ITGA9: variants seen among roughly 807,000 people sequenced by gnomAD.
ITGA9 encodes integrin alpha-9.
Under a neutral mutation model 127.8 loss-of-function variants are expected in ITGA9, and 56 were observed. That is an observed-to-expected ratio of 0.44 (90% CI 0.35 to 0.55). The LOEUF (loss-of-function observed/expected upper bound fraction) is 0.55. Among genes scored for constraint, ITGA9 ranks in the 20% least tolerant of loss-of-function variants. ITGA9 has a pLI of 0.00. For missense variants in ITGA9, 1,196 were observed against 1,347.1 expected (o/e 0.89, Z 1.76); for synonymous variants, 508 against 514.5 (o/e 0.99, Z 0.17).
chr3:37,536,948 G>A (rs563738173), intron 14 of ITGA9, among the ~76,000 whole-genome samples: 1 of 152,352 alleles, frequency 6.6e-6, no homozygotes, highest in African/African-American at 2.4e-5. Context: ...CAGACCAGCT[G>A]CATTAGCATC....
chr3:37,673,808 A>G (rs1700658348), intron 17 of ITGA9, among the ~76,000 whole-genome samples: 1 of 152,134 alleles, frequency 6.6e-6, no homozygotes, highest in East Asian at 1.9e-4. Flanking sequence ...TAAGTTGTCT[A>G]CCTTATTTAG....
chr3:37,471,247 CCTCCCTCCTTCT>C, intron 2 of ITGA9, 113 bp downstream of exon 2: 2 of 1,184,932 alleles, frequency 1.7e-6, no homozygotes, highest in Non-Finnish European at 2.5e-6. Context: ...TCCCTCCTTC[CCTCCCTCCTTCT>C]CTCCAACAAG....
intron 17 of ITGA9, among the ~76,000 whole-genome samples, chr3:37,657,592 G>T: frequency 1.4e-5 from 2 of 147,934 alleles, no homozygotes; most frequent in African/African-American, 2.5e-5. Flanking sequence ...TTCTTTATTA[G>T]TGTGGCTAGT....
In ITGA9 at chr3:37,696,893, G is replaced by C. The variant is rs572201464; in HGVS notation, c.2067+12878G>C. ...GGTGACGTCACCTGGGAGTGTGTTA[G>C]AAATGCAGAATCTCAGGCCGCAGCC... On this transcript the variant is annotated intron_variant, in intron 18 of 27. Coordinates refer to ENST00000264741, the MANE Select transcript of ITGA9 (RefSeq NM_002207.3). Among the ~76,000 whole-genome samples the C allele has an allele frequency of 2.0e-5, 3 of 152,324 alleles. No homozygotes were observed. In the East Asian group the frequency reaches 5.8e-4, roughly 29 times the overall value.
At position 37,632,699 on chromosome 3, in the gene ITGA9, G is replaced by A. The variant is rs188218203; in HGVS notation, c.1839+3363G>A. On this transcript the variant is annotated intron_variant, in intron 16 of 27. Transcript: ENST00000264741. ...ACAAAGGGAAAATTCTAAATGTTTC[G>A]AGGGCAAAGAATGCAGGAATGTTGA... Among the ~76,000 whole-genome samples the A allele has an allele frequency of 3.7e-3, 558 of 152,202 alleles. 2 individuals carry two copies. Among genetic ancestry groups the A allele is most frequent in the Middle Eastern group, 0.024 (7 of 294 alleles).
intron 18 of ITGA9, among the ~76,000 whole-genome samples, chr3:37,707,486 A>G (rs1247252856): frequency 6.6e-6 from 1 of 152,178 alleles, no homozygotes; most frequent in Non-Finnish European, 1.5e-5. Context: ...GGGACAGTAA[A>G]TAAAATTGAT....
At chr3:37,634,135 T>TAGAGA (rs1308630524) in intron 16 of ITGA9, among the ~76,000 whole-genome samples, 10 of 151,380 alleles carry the variant, frequency 6.6e-5, no homozygotes, top group African/African-American at 1.7e-4. Flanking sequence ...ACCATACCAC[T>TAGAGA]AGAGAAAATC....
chr3:37,485,143 C>T (rs1237920434), intron 4 of ITGA9, among the ~76,000 whole-genome samples: 1 of 152,138 alleles, frequency 6.6e-6, no homozygotes, highest in Non-Finnish European at 1.5e-5. Flanking sequence ...GAATTTCCTG[C>T]CAGTGTGTAC....
At chr3:37,785,574 A>G (rs78273568) in intron 26 of ITGA9, among the ~76,000 whole-genome samples, 6,082 of 152,172 alleles carry the variant, frequency 0.04, 273 homozygotes, top group South Asian at 0.12. Context: ...CCTGGCCTCA[A>G]GGGATCCTCT....
intron 5 of ITGA9, among the ~76,000 whole-genome samples, chr3:37,501,206 A>G (rs750877434): frequency 2.0e-5 from 3 of 152,160 alleles, no homozygotes; most frequent in Non-Finnish European, 2.9e-5. Flanking sequence ...AGGTAATCCA[A>G]AAGTAGGGAT....
intron 17 of ITGA9, among the ~76,000 whole-genome samples, chr3:37,675,436 A>G (rs924501786): frequency 6.6e-6 from 1 of 152,132 alleles, no homozygotes; most frequent in Admixed American, 6.5e-5. Flanking sequence ...CACCTCTGGA[A>G]TAAACAACTT....
intron 14 of ITGA9, among the ~76,000 whole-genome samples, chr3:37,538,626 G>A (rs1023050557): frequency 5.3e-5 from 8 of 152,166 alleles, no homozygotes; most frequent in South Asian, 2.1e-4. Flanking sequence ...CGCGGAGCCC[G>A]GGCAGCTGAT....
chr3:37,473,243 C>A, intron 2 of ITGA9, 111 bp from the exon 3 acceptor site: 1 of 649,298 alleles, frequency 1.5e-6, no homozygotes, highest in Non-Finnish European at 2.8e-6. Flanking sequence ...AGTTGATTTA[C>A]ATTTTGTGGA....
chr3:37,653,444 A>G (rs575704943), intron 16 of ITGA9, among the ~76,000 whole-genome samples: 22 of 152,284 alleles, frequency 1.4e-4, no homozygotes, highest in African/African-American at 5.3e-4. Context: ...CTCTCTTGAA[A>G]AAACTGCTTG....
At chr3:37,748,305 C>T (rs894194844) in intron 22 of ITGA9, 42 of 538,780 alleles carry the variant, frequency 7.8e-5, no homozygotes, top group Admixed American at 2.8e-4. Context: ...AAAGAGTCTA[C>T]GGTGTTACCC....
chr3:37,699,232 T>C (rs1700920031), intron 18 of ITGA9, among the ~76,000 whole-genome samples: 1 of 152,066 alleles, frequency 6.6e-6, no homozygotes, highest in Non-Finnish European at 1.5e-5. Flanking sequence ...ACTCCCAAAT[T>C]TTCCCCTCCA....
intron 26 of ITGA9, among the ~76,000 whole-genome samples, chr3:37,800,812 A>G (rs1697227506): frequency 6.6e-6 from 1 of 152,236 alleles, no homozygotes; most frequent in Non-Finnish European, 1.5e-5. Flanking sequence ...GGAATACTGT[A>G]CAGCAGTGAG....
At chr3:37,496,723 T>A (rs1051112096) in intron 5 of ITGA9, among the ~76,000 whole-genome samples, 1 of 152,220 alleles carries the variant, frequency 6.6e-6, no homozygotes, top group African/African-American at 2.4e-5. Context: ...CTCCCAGCCT[T>A]CATACCTTTC....
At chr3:37,525,941 CT>C (rs778147861) in intron 12 of ITGA9, 84 bp from the exon 13 acceptor site, 12 of 1,108,508 alleles carry the variant, frequency 1.1e-5, no homozygotes, top group Admixed American at 8.4e-5. Context: ...AAGGCTGGGT[CT>C]CCATCCTTGT....
Sources: allele counts gnomAD v4.1 joint callset (sites outside exome capture counted in the v4.1 genomes callset), GRCh38; gene constraint gnomAD v4.1.1; transcripts MANE v1.5; gene names NCBI Gene and HGNC (gene_info 2026-07-23, HGNC 2026-07-21).